NREP: variants seen among roughly 807,000 people sequenced by gnomAD.
NREP encodes the protein neuronal regeneration related protein, also known as neuronal regeneration-related protein.
A neutral mutation model predicts 8.6 loss-of-function variants in NREP; 5 were observed. The observed-to-expected ratio is 0.58, with a 90% CI of 0.30 to 1.22. The LOEUF (loss-of-function observed/expected upper bound fraction) is 1.22, where lower values mean the gene tolerates loss of function less well. Among genes scored for constraint, NREP ranks in the 50% most tolerant of loss-of-function variants. The pLI is 0.07. For missense variants in NREP, 86 were observed against 82.5 expected (o/e 1.04, Z -0.17); for synonymous variants, 27 against 28.0 (o/e 0.96, Z 0.11).
intron 2 of NREP, among the ~76,000 whole-genome samples, chr5:111,931,669 GTA>G (rs747596360): frequency 1.4e-4 from 21 of 152,122 alleles, no homozygotes; most frequent in Non-Finnish European, 1.9e-4. Flanking sequence ...TTATGCAGCA[GTA>G]GATAACTAAA....
chr5:111,926,904 C>G lies in NREP; in HGVS notation c.135+48370G>C, dbSNP rs546905254. On this transcript the variant is annotated intron_variant, in intron 2 of 3. Coordinates refer to the NREP transcript ENST00000395634. ...GACCCACTCCTCTAGGTCCTCCATC[C>G]ATGGACCCGGAGGAGTGGGTCAGGC... 1.6e-4 allele frequency among the ~76,000 whole-genome samples: 24 copies of G among 151,374 alleles called. No individual in the cohort carries two copies. The South Asian group carries it at 5.0e-3, about 32-fold the overall frequency.
chr5:111,890,160 T>G (rs865956118), intron 2 of NREP, among the ~76,000 whole-genome samples: 1 of 152,146 alleles, frequency 6.6e-6, no homozygotes, highest in African/African-American at 2.4e-5. Flanking sequence ...CAGCCAAAAG[T>G]AAGGGGCTAC....
At chr5:111,757,464 T>C (rs1750799001), upstream of NREP, 1 of 985,096 alleles carries the variant, frequency 1.0e-6, no homozygotes. Flanking sequence ...CCCGCTAGGG[T>C]GCTAGTGAAC....
chr5:111,760,626 G>C (rs1750939024), upstream of NREP, among the ~76,000 whole-genome samples: 1 of 152,156 alleles, frequency 6.6e-6, no homozygotes, highest in Non-Finnish European at 1.5e-5. Flanking sequence ...GGGAGGTGAG[G>C]CCTAAACTGA....
At chr5:111,819,247 C>A (rs538069137) in intron 2 of NREP, among the ~76,000 whole-genome samples, 2 of 152,136 alleles carry the variant, frequency 1.3e-5, no homozygotes, top group Non-Finnish European at 2.9e-5. Context: ...GTTCTCTAAC[C>A]ACCCTTTCTG....
At chr5:111,820,670 T>C (rs918724415) in intron 2 of NREP, among the ~76,000 whole-genome samples, 3 of 152,132 alleles carry the variant, frequency 2.0e-5, no homozygotes, top group Non-Finnish European at 2.9e-5. Flanking sequence ...TTAAAATATT[T>C]CATATTTAAA....
intron 2 of NREP, among the ~76,000 whole-genome samples, chr5:111,821,919 T>C (rs936875192): frequency 6.6e-6 from 1 of 152,154 alleles, no homozygotes; most frequent in Non-Finnish European, 1.5e-5. Flanking sequence ...TGCAGTAATA[T>C]TACGTAGAAT....
At chr5:111,959,147 C>CA (rs1159605237) in intron 2 of NREP, among the ~76,000 whole-genome samples, 1 of 151,100 alleles carries the variant, frequency 6.6e-6, no homozygotes, top group African/African-American at 2.4e-5. Flanking sequence ...AGCAAGTTGC[C>CA]AAAAAAAGCA....
intron 2 of NREP, among the ~76,000 whole-genome samples, chr5:111,907,853 T>G (rs574618693): frequency 6.6e-6 from 1 of 152,198 alleles, no homozygotes; most frequent in Non-Finnish European, 1.5e-5. Context: ...TTCCATGGAA[T>G]TCTTTGCTTA....
chr5:111,833,954 G>C lies in NREP; in HGVS notation c.136-98447C>G, dbSNP rs143806338. 6.0e-3 allele frequency among the ~76,000 whole-genome samples: 907 copies of C among 152,262 alleles called. 4 individuals carry two copies. The highest frequency in any genetic ancestry group is 8.7e-3 in the Non-Finnish European group (589 of 68,022). On this transcript the variant is annotated intron_variant, in intron 2 of 3. Coordinates refer to the NREP transcript ENST00000395634. ...GCAAACAGTCTTGGAAGATAGAGAT[G>C]GTGTCTCCCTATAGGGCAAAGGGTA...
At chr5:111,892,833 C>A (rs756748009) in intron 2 of NREP, among the ~76,000 whole-genome samples, 3 of 151,998 alleles carry the variant, frequency 2.0e-5, no homozygotes, top group Non-Finnish European at 2.9e-5. Context: ...ATAAACCCTA[C>A]GAAAATTTGG....
At chr5:111,933,477 G>A (rs1581230950) in intron 2 of NREP, among the ~76,000 whole-genome samples, 1 of 152,104 alleles carries the variant, frequency 6.6e-6, no homozygotes, top group African/African-American at 2.4e-5. Context: ...CTTGGCCCTA[G>A]TGGCAGGTAA....
At chr5:111,753,453 A>G (rs77382191) in intron 2 of NREP, among the ~76,000 whole-genome samples, 5,012 of 150,672 alleles carry the variant, frequency 0.033, 279 homozygotes, top group African/African-American at 0.11. Context: ...GTGTCTCCAC[A>G]TTATTGTTGT....
chr5:111,760,024 A>G (rs1303932800), upstream of NREP, among the ~76,000 whole-genome samples: 2 of 152,228 alleles, frequency 1.3e-5, no homozygotes, highest in Non-Finnish European at 2.9e-5. Context: ...GCACATAATT[A>G]TCCCTAAGCC....
At chr5:111,759,397 T>C (rs925847168), upstream of NREP, among the ~76,000 whole-genome samples, 1 of 151,748 alleles carries the variant, frequency 6.6e-6, no homozygotes, top group Non-Finnish European at 1.5e-5. Context: ...AGAGAAGTGT[T>C]AATTTTTCTT....
intron 2 of NREP, among the ~76,000 whole-genome samples, chr5:111,885,147 GT>G (rs1423115966): frequency 6.6e-6 from 1 of 151,872 alleles, no homozygotes; most frequent in Non-Finnish European, 1.5e-5. Context: ...CAAAATCAAT[GT>G]GCAAAAATCA....
At chr5:111,854,421 C>T (rs943605175) in intron 2 of NREP, among the ~76,000 whole-genome samples, 4 of 152,152 alleles carry the variant, frequency 2.6e-5, no homozygotes, top group African/African-American at 4.8e-5. Flanking sequence ...GGTGTGAGCA[C>T]TCCCAGGGTG....
At chr5:111,906,402 C>T (rs1158225187) in intron 2 of NREP, among the ~76,000 whole-genome samples, 1 of 151,978 alleles carries the variant, frequency 6.6e-6, no homozygotes. Flanking sequence ...GGACTATATT[C>T]AGCTGCAATT....
chr5:111,747,327 C>T (rs1035136008), intron 2 of NREP, among the ~76,000 whole-genome samples: 1 of 152,164 alleles, frequency 6.6e-6, no homozygotes, highest in African/African-American at 2.4e-5. Flanking sequence ...CCAATGAAAG[C>T]GTCCTCAGGA....
Sources: allele counts gnomAD v4.1 joint callset (sites outside exome capture counted in the v4.1 genomes callset), GRCh38; gene constraint gnomAD v4.1.1; transcripts MANE v1.5; gene names NCBI Gene and HGNC (gene_info 2026-07-23, HGNC 2026-07-21).